The following MYO3B variants were observed in gnomAD, a reference collection of about 807,000 sequenced individuals.
MYO3B encodes myosin IIIB.
Under a neutral mutation model 174.6 loss-of-function variants are expected in MYO3B, and 156 were observed. That is an observed-to-expected ratio of 0.89 (90% CI 0.78 to 1.02). The LOEUF (loss-of-function observed/expected upper bound fraction) is 1.02. Ranked by LOEUF, MYO3B falls within the 50% of genes least tolerant of loss-of-function variation. MYO3B has a pLI of 0.00. For synonymous variants in MYO3B, 563 were observed against 569.1 expected (o/e 0.99, Z 0.15); for missense variants, 1,632 against 1,639.4 (o/e 1.00, Z 0.08).
chr2:170,342,832 G>A (rs973179106), intron 8 of MYO3B, among the ~76,000 whole-genome samples: 2 of 152,050 alleles, frequency 1.3e-5, no homozygotes, highest in African/African-American at 4.8e-5. Flanking sequence ...CAGAAAACTT[G>A]TTCCAGAGTT....
intron 31 of MYO3B, 119 bp downstream of exon 31, chr2:170,543,085 A>T: frequency 1.3e-6 from 1 of 772,768 alleles, no homozygotes; most frequent in Admixed American, 2.5e-5. Flanking sequence ...TGAAACTGTT[A>T]GTGATATTTT....
intron 22 of MYO3B, among the ~76,000 whole-genome samples, chr2:170,429,339 C>G (rs1032016009): frequency 2.0e-5 from 3 of 152,176 alleles, no homozygotes; most frequent in Non-Finnish European, 4.4e-5. Context: ...CCTAGTAGCT[C>G]GTATCCAAAC....
rs1695316588 is a variant in MYO3B at position 170,614,406 on chromosome 2, A to G, written c.3734-37222A>G. ...TGGATTCCTGGGCTCTCTTTGGAGT[A>G]GAGAGAGGCTGCAAGGTAGGAACTC... On this transcript the variant is annotated intron_variant, in intron 32 of 34. Transcript: ENST00000408978. 2.6e-5 allele frequency among the ~76,000 whole-genome samples: 4 copies of G among 152,272 alleles called. No homozygotes were observed. The South Asian group carries it at 8.3e-4, about 32-fold the overall frequency.
chr2:170,296,929 A>C (rs928181358), intron 7 of MYO3B, among the ~76,000 whole-genome samples: 2 of 152,196 alleles, frequency 1.3e-5, no homozygotes, highest in African/African-American at 4.8e-5. Context: ...TCTTGCGATG[A>C]CAGCATCAAA....
At chr2:170,308,826 G>A (rs2093718228) in intron 7 of MYO3B, among the ~76,000 whole-genome samples, 2 of 152,066 alleles carry the variant, frequency 1.3e-5, no homozygotes, top group East Asian at 1.9e-4. Flanking sequence ...ATGGAAAAAT[G>A]CCTGTTCCTT....
intron 34 of MYO3B, among the ~76,000 whole-genome samples, chr2:170,652,593 T>G (rs1559206919): frequency 6.6e-6 from 1 of 152,202 alleles, no homozygotes; most frequent in African/African-American, 2.4e-5. Context: ...GTTCATTTGA[T>G]AGTTAGCATC....
chr2:170,423,868 C>T (rs62170673), intron 22 of MYO3B, among the ~76,000 whole-genome samples: 10,843 of 152,270 alleles, frequency 0.071, 507 homozygotes, highest in Non-Finnish European at 0.1. Flanking sequence ...CATGAGCCAC[C>T]GTGCCCAGCC....
At chr2:170,333,752 A>G (rs1195840156) in intron 7 of MYO3B, among the ~76,000 whole-genome samples, 2 of 152,204 alleles carry the variant, frequency 1.3e-5, no homozygotes, top group Non-Finnish European at 2.9e-5. Context: ...TTTATCTTCT[A>G]TAAAGTCTTT....
At chr2:170,490,529 A>T (rs72880121) in intron 25 of MYO3B, among the ~76,000 whole-genome samples, 1 of 145,322 alleles carries the variant, frequency 6.9e-6, no homozygotes, top group Non-Finnish European at 1.5e-5. Context: ...CATGGATGTT[A>T]TTTTTTTTTT....
chr2:170,221,681 G>A (rs914929049), intron 6 of MYO3B, among the ~76,000 whole-genome samples: 11 of 152,150 alleles, frequency 7.2e-5, no homozygotes, highest in African/African-American at 1.2e-4. Flanking sequence ...CAATACTACT[G>A]GGGAAATAAA....
intron 32 of MYO3B, among the ~76,000 whole-genome samples, chr2:170,604,036 C>T (rs1020334298): frequency 1.3e-5 from 2 of 152,180 alleles, no homozygotes; most frequent in Non-Finnish European, 1.5e-5. Flanking sequence ...AAAAACAACA[C>T]ATTATACCAT....
intron 7 of MYO3B, among the ~76,000 whole-genome samples, chr2:170,329,772 G>A (rs2093898834): frequency 6.6e-6 from 1 of 152,040 alleles, no homozygotes; most frequent in Non-Finnish European, 1.5e-5. Flanking sequence ...TTTTGAACAG[G>A]TAAGATGTGA....
At chr2:170,199,527 T>C in intron 2 of MYO3B, 136 bp downstream of exon 2, 1 of 709,746 alleles carries the variant, frequency 1.4e-6, no homozygotes, top group African/African-American at 1.8e-5. Flanking sequence ...ATTTGTCAGC[T>C]TCTCTGAATG....
intron 32 of MYO3B, chr2:170,646,820 C>T (rs6761488): frequency 0.15 from 108,997 of 750,680 alleles, 8,245 homozygotes; most frequent in East Asian, 0.22. Context: ...GAAGCAGTAA[C>T]AATTGTTAAA....
Position 170,405,599 on chromosome 2 carries a change from A to G in MYO3B, c.2486A>G (p.Glu829Gly). Residue 829 changes from glutamate (E) to glycine (G), a missense_variant, in exon 21 of 35, where the codon GAA becomes GGA. By Grantham distance (98) the Glu-to-Gly change is moderately conservative. Transcript: ENST00000408978. ...TACTTCTGGAGGCCCAAAGGAGTGG[A>G]ACTGTGCTTTGGCATTCAGCATTAT... The part of the protein sequence containing the change: ...CKYFWRPKGV[E>G]LCFGIQHYAG... The G allele has an allele frequency of 1.2e-6, 2 of 1,614,208 alleles. No homozygotes were observed. Among genetic ancestry groups the G allele is most frequent in the Non-Finnish European group, 8.5e-7 (1 of 1,180,012 alleles).
At chr2:170,651,489 C>T in intron 32 of MYO3B, 139 bp from the exon 33 acceptor site, 1 of 660,412 alleles carries the variant, frequency 1.5e-6, no homozygotes, top group Non-Finnish European at 2.7e-6. Flanking sequence ...GGCATTTCTC[C>T]TAATATTAGT....
intron 22 of MYO3B, among the ~76,000 whole-genome samples, chr2:170,441,047 G>T (rs1333087304): frequency 2.0e-5 from 3 of 151,980 alleles, no homozygotes; most frequent in Non-Finnish European, 2.9e-5. Context: ...TGATCCACCC[G>T]CCTCGGCCTC....
At chr2:170,178,577 TACACAC>T (rs796308951) in intron 1 of MYO3B, among the ~76,000 whole-genome samples, 1 of 139,484 alleles carries the variant, frequency 7.2e-6, no homozygotes, top group African/African-American at 2.7e-5. Flanking sequence ...CACACACACA[TACACAC>T]AGCATAGTTC....
intron 7 of MYO3B, among the ~76,000 whole-genome samples, chr2:170,241,687 G>T (rs529728375): frequency 0.036 from 16 of 442 alleles, no homozygotes; most frequent in East Asian, 0.36. Context: ...GATGCTGTGG[G>T]TAGTGGGGCA....
Sources: allele counts gnomAD v4.1 joint callset (sites outside exome capture counted in the v4.1 genomes callset), GRCh38; gene constraint gnomAD v4.1.1; transcripts MANE v1.5; gene names NCBI Gene and HGNC (gene_info 2026-07-23, HGNC 2026-07-21).